The following PPP4R3B variants were observed in gnomAD, a reference collection of about 807,000 sequenced individuals.
PPP4R3B encodes the protein serine/threonine-protein phosphatase 4 regulatory subunit 3B.
Under a neutral mutation model 95.4 loss-of-function variants are expected in PPP4R3B, and 52 were observed. The ratio of observed to expected loss-of-function variants is 0.54; its 90% CI spans 0.44 to 0.69. PPP4R3B has a LOEUF of 0.69. PPP4R3B is among the 30% of genes least tolerant of loss of function. PPP4R3B has a pLI of 0.00. For missense variants in PPP4R3B, 1,003 were observed against 1,005.9 expected (o/e 1.00, Z 0.04); for synonymous variants, 407 against 343.9 (o/e 1.18, Z -2.03).
intron 2 of PPP4R3B, among the ~76,000 whole-genome samples, chr2:55,609,418 A>T (rs1693859031): frequency 6.6e-6 from 1 of 152,152 alleles, no homozygotes; most frequent in Non-Finnish European, 1.5e-5. Context: ...GTGACGACTC[A>T]TGTCTGTATT....
intron 2 of PPP4R3B, among the ~76,000 whole-genome samples, chr2:55,608,450 C>T (rs949443506): frequency 1.3e-5 from 2 of 152,206 alleles, no homozygotes; most frequent in African/African-American, 4.8e-5. Context: ...TTCCTGATTA[C>T]CAATAACTGA....
chr2:55,558,442 T>C (rs998143142), intron 16 of PPP4R3B, among the ~76,000 whole-genome samples: 1 of 152,066 alleles, frequency 6.6e-6, no homozygotes, highest in Non-Finnish European at 1.5e-5. Flanking sequence ...ACCTCGTCTC[T>C]ACTAAAAATA....
At chr2:55,569,897 G>T (rs4322879) in intron 12 of PPP4R3B, among the ~76,000 whole-genome samples, 52,964 of 151,996 alleles carry the variant, frequency 0.35, 9,377 homozygotes, top group South Asian at 0.48. Context: ...ACACTAAAGA[G>T]GCTCCTGATG....
chr2:55,602,048 T>C (rs1319725418), intron 3 of PPP4R3B, among the ~76,000 whole-genome samples: 1 of 152,138 alleles, frequency 6.6e-6, no homozygotes, highest in Non-Finnish European at 1.5e-5. Flanking sequence ...TTGCTGACTA[T>C]CAGTTTCTAT....
rs1695076996 is a variant in PPP4R3B, at chr2:55,617,174, T to A, written c.112A>T (p.Met38Leu). 2 of 1,613,216 alleles carry A rather than the reference T, an allele frequency of 1.2e-6. No individual in the cohort carries two copies. Among genetic ancestry groups the A allele is most frequent in the South Asian group, 1.1e-5 (1 of 91,048 alleles). ...SSTYVEELKG[M>L]SLLVRAESDG... ...GACTCTGCCCGAACCAGCAGCGACA[T>A]CCCCTTGAGCTCCTCCACGTAAGTG... The change falls in exon 1 of 17, where the codon ATG becomes TTG. Residue 38 changes from methionine to leucine, a missense_variant. Physicochemically the swap from Met to Leu is conservative, Grantham distance 15. Around this residue, in one of 3 missense-constraint regions of PPP4R3B, gnomAD observed 695 missense variants for 686.2 expected, o/e 1.01. Transcript: ENST00000616407.
At chr2:55,571,657 G>C (rs1688014442) in intron 12 of PPP4R3B, among the ~76,000 whole-genome samples, 1 of 152,082 alleles carries the variant, frequency 6.6e-6, no homozygotes, top group African/African-American at 2.4e-5. Context: ...ACAGAGTCTT[G>C]CTCTGTTGCC....
At chr2:55,593,772 A>G (rs969377080) in intron 4 of PPP4R3B, among the ~76,000 whole-genome samples, 1 of 152,198 alleles carries the variant, frequency 6.6e-6, no homozygotes, top group African/African-American at 2.4e-5. Flanking sequence ...ACTGGCCACA[A>G]TCTTATTTCT....
At chr2:55,569,738 G>A (rs1016600131) in intron 12 of PPP4R3B, among the ~76,000 whole-genome samples, 1 of 152,020 alleles carries the variant, frequency 6.6e-6, no homozygotes, top group Non-Finnish European at 1.5e-5. Flanking sequence ...GGCATTCGGG[G>A]CCACTACCGG....
At chr2:55,564,782 C>A in intron 14 of PPP4R3B, 120 bp downstream of exon 14, 1 of 1,210,896 alleles carries the variant, frequency 8.3e-7, no homozygotes, top group South Asian at 1.4e-5. Flanking sequence ...TCCTATTCAA[C>A]TCTATGCTAT....
At chr2:55,603,345 T>A (rs938969486) in intron 3 of PPP4R3B, among the ~76,000 whole-genome samples, 4 of 152,212 alleles carry the variant, frequency 2.6e-5, no homozygotes, top group Non-Finnish European at 5.9e-5. Context: ...TATAATCTAA[T>A]ACAGTAATCA....
intron 2 of PPP4R3B, among the ~76,000 whole-genome samples, chr2:55,612,314 G>A (rs568818548): frequency 2.6e-5 from 4 of 152,112 alleles, no homozygotes; most frequent in Non-Finnish European, 5.9e-5. Flanking sequence ...TAACTTTCTA[G>A]ACTAATTTAT....
At chr2:55,551,411 G>C (rs1347770409) in intron 16 of PPP4R3B, among the ~76,000 whole-genome samples, 1 of 151,974 alleles carries the variant, frequency 6.6e-6, no homozygotes, top group Non-Finnish European at 1.5e-5. Context: ...CAGTTTGTCT[G>C]TAAAATTGGT....
Position 55,578,308 on chromosome 2 carries a change from A to G in PPP4R3B, c.1503T>C (p.Ser501=). The change falls in exon 10 of 17, where the codon AGT becomes AGC. Residue 501 remains serine, a synonymous_variant. Coordinates refer to ENST00000616407, the MANE Select transcript of PPP4R3B (RefSeq NM_001122964.3). ...FFLKHYRYSW[S]FICTPSHSHS... Reference sequence around the variant, plus strand: ...GGGAATGTGAAGGGGTACATATGAAACTCCAACTATATCTGTAATGTTTTA... The same window carrying G: ...GGGAATGTGAAGGGGTACATATGAAGCTCCAACTATATCTGTAATGTTTTA... The G allele has an allele frequency of 6.8e-7, 1 of 1,461,424 alleles. No individual in the cohort carries two copies. Among genetic ancestry groups the G allele is most frequent in the Non-Finnish European group, 9.0e-7 (1 of 1,106,466 alleles). The allele number at this position is 1,461,424 out of a possible 1,614,324, so 90.5% of individuals were successfully genotyped here. A position where few individuals can be genotyped will look rare whatever the true frequency, so the allele number is the denominator to read the frequency against.
chr2:55,585,797 T>G (rs927496867), intron 6 of PPP4R3B, among the ~76,000 whole-genome samples: 17 of 152,302 alleles, frequency 1.1e-4, no homozygotes, highest in African/African-American at 4.1e-4. Context: ...CAAAGTGTGG[T>G]CCAGGTAATC....
intron 15 of PPP4R3B, 105 bp downstream of exon 15, chr2:55,564,208 T>G: frequency 2.2e-6 from 2 of 902,592 alleles, no homozygotes. Flanking sequence ...ATAAAATTTT[T>G]GTCTTTCTTG....
intron 4 of PPP4R3B, among the ~76,000 whole-genome samples, chr2:55,597,673 T>C: frequency 6.6e-6 from 1 of 151,622 alleles, no homozygotes; most frequent in Non-Finnish European, 1.5e-5. Context: ...TGGAGGCACA[T>C]GCCTGTAATC....
chr2:55,598,296 T>C (rs909666047), intron 4 of PPP4R3B, 120 bp downstream of exon 4: 1 of 1,006,898 alleles, frequency 9.9e-7, no homozygotes, highest in Non-Finnish European at 1.4e-6. Flanking sequence ...TAAATGTACT[T>C]AATAGTACAT....
At chr2:55,582,849 A>G (rs1689615523) in intron 7 of PPP4R3B, among the ~76,000 whole-genome samples, 1 of 152,198 alleles carries the variant, frequency 6.6e-6, no homozygotes, top group African/African-American at 2.4e-5. Context: ...ATTCAGTAAT[A>G]ACTATATTAC....
Position 55,594,225 on chromosome 2 carries a change from A to G in PPP4R3B, c.921+4191T>C, listed in dbSNP as rs1044143020. On this transcript the variant is annotated intron_variant, in intron 4 of 16. Coordinates refer to ENST00000616407, the MANE Select transcript of PPP4R3B (RefSeq NM_001122964.3). ...TGTTCAATATCACGGTGATGGGTACACTAGAAGCCCAATCTCCACCATTAC... is the reference window on the plus strand; with the variant it reads ...TGTTCAATATCACGGTGATGGGTACGCTAGAAGCCCAATCTCCACCATTAC... Among the ~76,000 whole-genome samples the G allele has an allele frequency of 6.6e-5, 10 of 152,008 alleles. No homozygotes were observed. In the South Asian group the frequency reaches 1.9e-3, roughly 28 times the overall value.
Sources: gnomAD v4.1 joint callset for allele counts (sites outside exome capture counted in the v4.1 genomes callset) on GRCh38, gnomAD v4.1.1 for gene constraint, gnomAD v4.1.1 regional missense constraint, MANE v1.5 for transcripts, NCBI Gene and HGNC (gene_info 2026-07-23, HGNC 2026-07-21) for gene names.